The following GOLGA3 variants were observed in gnomAD, a reference collection of about 807,000 sequenced individuals.
The protein encoded by GOLGA3 is golgin A3.
In GOLGA3, 75 loss-of-function variants were observed where a neutral mutation model predicts 169.4. That is an observed-to-expected ratio of 0.44 (90% CI 0.37 to 0.54). GOLGA3 has a LOEUF of 0.54. Ranked by LOEUF, GOLGA3 falls within the 20% of genes least tolerant of loss-of-function variation. GOLGA3 has a pLI of 0.00. For synonymous variants in GOLGA3, 824 were observed against 822.4 expected (o/e 1.00, Z -0.03); for missense variants, 1,899 against 1,930.0 (o/e 0.98, Z 0.30).
In GOLGA3 at chr12:132,816,810, C is replaced by A; in HGVS notation, c.136G>T (p.Ala46Ser). 1.3e-6 allele frequency: 2 copies of A among 1,591,062 alleles called. No individual in the cohort carries two copies. Among genetic ancestry groups the A allele is most frequent in the South Asian group, 1.1e-5 (1 of 89,580 alleles). Residue 46 changes from alanine (A) to serine (S), a missense_variant and splice_region_variant, in exon 3 of 24, where the codon GCC (alanine) becomes TCC (serine). Ala to Ser is a moderately conservative substitution (Grantham distance 99, BLOSUM62 1). Coordinates refer to ENST00000450791, the MANE Select transcript of GOLGA3 (RefSeq NM_001389683.1). ...TCCGTGGATGCTCTGTTTACCTCGG[C>A]ACCTGGAAAGACAGAGCACGCTGGA... is the stretch of plus-strand genomic sequence containing the variant. ...PPDQQDKVQC[A>S]EVNRASTEGE...
intron 1 of GOLGA3, among the ~76,000 whole-genome samples, chr12:132,823,468 T>A (rs762702076): frequency 3.9e-5 from 6 of 152,188 alleles, no homozygotes; most frequent in Non-Finnish European, 2.9e-5. Flanking sequence ...AGCTTACAAA[T>A]CCCACACAGA....
At position 132,787,804 on chromosome 12, in the gene GOLGA3, TCCCCGGAGACCCC is replaced by T. The variant is rs1566088246; in HGVS notation, c.2812-1030_2812-1018del. On this transcript the variant is annotated intron_variant, in intron 13 of 23. Coordinates refer to ENST00000450791, the MANE Select transcript of GOLGA3 (RefSeq NM_001389683.1). ...CCCTCCCCGGAGACCACGGGACCCC[TCCCCGGAGACCCC>T]GGGACCCCTCCCCGGAGACCCCGGG... 1.1e-3 allele frequency among the ~76,000 whole-genome samples: 36 copies of T among 32,318 alleles called. 12 individuals carry two copies. The highest frequency in any genetic ancestry group is 3.1e-3 in the East Asian group (4 of 1,292). 21.2% of individuals were successfully genotyped at this position (32,318 alleles called of 152,430 possible).
chr12:132,776,115 C>G (rs577614923), intron 21 of GOLGA3, among the ~76,000 whole-genome samples: 1 of 152,316 alleles, frequency 6.6e-6, no homozygotes, highest in Admixed American at 6.5e-5. Context: ...GGGGCTGCCC[C>G]AGAAGTGGTG....
In GOLGA3 at chr12:132,782,488, T is replaced by C. The variant is rs144948307; in HGVS notation, c.3273A>G (p.Gln1091=). Residue 1091 remains glutamine, a synonymous_variant, in exon 17 of 24, where the codon CAA becomes CAG. Coordinates refer to ENST00000450791, the MANE Select transcript of GOLGA3 (RefSeq NM_001389683.1). ...EKVLELEDEL[Q]ESRGFRKKIK... ...TCTTCTTCCTAAAGCCTCTGGATTC[T>C]TGAAGCTGAAACATACCAATGTCAC... The C allele has an allele frequency of 5.2e-4, 840 of 1,612,924 alleles. No homozygotes were observed. Among genetic ancestry groups the C allele is most frequent in the Non-Finnish European group, 6.7e-4 (794 of 1,178,846 alleles).
In GOLGA3 at chr12:132,816,202, A is replaced by G. The variant is rs1258716711; in HGVS notation, c.406+338T>C. Among the ~76,000 whole-genome samples, 3 of 152,236 alleles carry G rather than the reference A, an allele frequency of 2.0e-5. No homozygotes were observed. The South Asian group carries it at 6.2e-4, about 31-fold the overall frequency. ...GAAAGAGCGAGACTCTGTCTCAGAA[A>G]AAAAAAGCAAACCAAAAAAAACCAA... is the stretch of plus-strand genomic sequence containing the variant. On this transcript the variant is annotated intron_variant, in intron 3 of 23. Transcript: ENST00000450791.
At chr12:132,780,096 CACTT>C (rs1419490774) in intron 18 of GOLGA3, among the ~76,000 whole-genome samples, 2 of 127,376 alleles carry the variant, frequency 1.6e-5, no homozygotes, top group Admixed American at 7.9e-5. Flanking sequence ...GCAGACATCA[CACTT>C]GCACGCACAG....
chr12:132,789,839 T>C (rs1234676984), intron 12 of GOLGA3, among the ~76,000 whole-genome samples: 1 of 150,112 alleles, frequency 6.7e-6, no homozygotes, highest in African/African-American at 2.5e-5. Flanking sequence ...TCAACCAGCC[T>C]GGCCAACAAG....
chr12:132,828,739 TGCGGGA>T (rs527701453), intron 1 of GOLGA3, 58 bp downstream of exon 1: 1,991 of 81,242 alleles, frequency 0.025, 22 homozygotes, highest in Non-Finnish European at 0.033. Context: ...GCCCATGCAC[TGCGGGA>T]GCGGGAGCGG....
intron 2 of GOLGA3, among the ~76,000 whole-genome samples, chr12:132,820,176 C>CA (rs35718567): frequency 0.04 from 5,627 of 140,466 alleles, 336 homozygotes; most frequent in African/African-American, 0.14. Flanking sequence ...AACTCCGTCT[C>CA]AAAAAAAAAA....
intron 4 of GOLGA3, among the ~76,000 whole-genome samples, chr12:132,809,838 C>T (rs1014449696): frequency 1.4e-4 from 21 of 152,270 alleles, no homozygotes; most frequent in African/African-American, 3.6e-4. Context: ...TGGAACAGCC[C>T]GTGTCCTCTG....
At position 132,791,300 on chromosome 12, in the gene GOLGA3, G is replaced by C; in HGVS notation, c.2470-7C>G. ...CCTGCTGCAGGTGTTCCACCTGTGG[G>C]AGACATGTGCACAGACATTACACTG... On this transcript the variant is annotated splice_region_variant and splice_polypyrimidine_tract_variant and intron_variant, in intron 11 of 23. Coordinates refer to ENST00000450791, the MANE Select transcript of GOLGA3 (RefSeq NM_001389683.1). The C allele has an allele frequency of 6.4e-7, 1 of 1,569,008 alleles. No homozygotes were observed. The highest frequency in any genetic ancestry group is 8.8e-7 in the Non-Finnish European group (1 of 1,141,998).
In GOLGA3 at chr12:132,822,286, T is replaced by A. The variant is rs1950253001; in HGVS notation, c.-158A>T. The A allele has an allele frequency of 7.2e-7, 1 of 1,379,852 alleles. No homozygotes were observed. Among genetic ancestry groups the A allele is most frequent in the South Asian group, 1.6e-5 (1 of 60,818 alleles). 85.5% of individuals were successfully genotyped at this position (1,379,852 alleles called of 1,614,324 possible). A position where few individuals can be genotyped will look rare whatever the true frequency, so the allele number is the denominator to read the frequency against. ...ATCTGATGACTCACAAATGACTTGA[T>A]GTCAAACCAGCTAATATCATGATAC... On this transcript the variant is annotated 5_prime_UTR_variant, in exon 2 of 24. Coordinates refer to ENST00000450791, the MANE Select transcript of GOLGA3 (RefSeq NM_001389683.1).
At chr12:132,821,781 G>A (rs1366954918) in intron 2 of GOLGA3, among the ~76,000 whole-genome samples, 2 of 147,620 alleles carry the variant, frequency 1.4e-5, no homozygotes, top group African/African-American at 2.4e-5. Context: ...ATGAACCCGG[G>A]AGGCGGAGCT....
chr12:132,786,425 C>T lies in GOLGA3; in HGVS notation c.3037G>A (p.Ala1013Thr), dbSNP rs1411951912. Reference sequence around the variant, plus strand: ...TCCGCAGCCTCCTTGGCCGCGAGGGCCTCCTGCAGGCGGCGGCTGAGGATG... The same window carrying T: ...TCCGCAGCCTCCTTGGCCGCGAGGGTCTCCTGCAGGCGGCGGCTGAGGATG... ...VGILSRRLQE[A>T]LAAKEAADAE... Residue 1013 changes from alanine (A) to threonine (T), a missense_variant, in exon 15 of 24, where the codon GCC becomes ACC. Coordinates refer to ENST00000450791, the MANE Select transcript of GOLGA3 (RefSeq NM_001389683.1). 1 of 1,613,486 alleles carries T rather than the reference C, an allele frequency of 6.2e-7. No individual in the cohort carries two copies. Among genetic ancestry groups the T allele is most frequent in the Non-Finnish European group, 8.5e-7 (1 of 1,179,834 alleles).
intron 3 of GOLGA3, among the ~76,000 whole-genome samples, 196 bp downstream of exon 3, chr12:132,816,344 C>G (rs567218617): frequency 6.6e-6 from 1 of 152,376 alleles, no homozygotes; most frequent in South Asian, 2.1e-4. Flanking sequence ...ACAGCAGAAC[C>G]TTGACTCCAC....
intron 2 of GOLGA3, among the ~76,000 whole-genome samples, chr12:132,818,084 TC>T (rs1180658215): frequency 7.4e-6 from 1 of 135,588 alleles, no homozygotes; most frequent in Non-Finnish European, 1.5e-5. Flanking sequence ...CCTCCACACC[TC>T]CACGCTCTAA....
In GOLGA3 at chr12:132,808,328, G is replaced by C. The variant is rs762020746; in HGVS notation, c.741C>G (p.Ala247=). ...CATTTGAATCTTCAGTTCTGTAATCGGCCAGAGACCGGATTTTGCTTGATT... is the reference window on the plus strand; with the variant it reads ...CATTTGAATCTTCAGTTCTGTAATCCGCCAGAGACCGGATTTTGCTTGATT... ...TSKSSKIRSL[A]DYRTEDSNAG... Residue 247 remains alanine, a synonymous_variant, in exon 5 of 24, where the codon GCC becomes GCG. Coordinates refer to ENST00000450791, the MANE Select transcript of GOLGA3 (RefSeq NM_001389683.1). The C allele has an allele frequency of 1.9e-6, 3 of 1,614,110 alleles. No homozygotes were observed. The highest frequency in any genetic ancestry group is 2.5e-6 in the Non-Finnish European group (3 of 1,180,018).
At chr12:132,799,207 CTG>C (rs1949016776) in intron 8 of GOLGA3, among the ~76,000 whole-genome samples, 2 of 152,350 alleles carry the variant, frequency 1.3e-5, no homozygotes, top group South Asian at 4.1e-4. Context: ...TTTGCTGGGA[CTG>C]TGTTTCGAGA....
chr12:132,780,833 T>C lies in GOLGA3; in HGVS notation c.3547A>G (p.Lys1183Glu), dbSNP rs780230017. ...LVQALQASLEKEKEKVNSLKE... is the reference protein window; with the variant it reads ...LVQALQASLEEEKEKVNSLKE... ...AGGCTGTTCACCTTCTCCTTCTCCT[T>C]CTCTAGTGAGGCCTGCAGGGCCTGG... Residue 1183 changes from lysine to glutamate, a missense_variant, in exon 18 of 24, where the codon AAG becomes GAG. Lys to Glu is a moderately conservative substitution (Grantham distance 56). Transcript: ENST00000450791. The C allele has an allele frequency of 5.0e-6, 8 of 1,611,852 alleles. No individual in the cohort carries two copies. The highest frequency in any genetic ancestry group is 2.7e-5 in the African/African-American group (2 of 74,932).
Sources: allele counts gnomAD v4.1 joint callset (sites outside exome capture counted in the v4.1 genomes callset), GRCh38; gene constraint gnomAD v4.1.1; transcripts MANE v1.5; gene names NCBI Gene and HGNC (gene_info 2026-07-23, HGNC 2026-07-21).